SPECC1: variants seen among roughly 807,000 people sequenced by gnomAD.
SPECC1 encodes cytospin-B.
Under a neutral mutation model 104.1 loss-of-function variants are expected in SPECC1, and 62 were observed. The observed-to-expected ratio is 0.60, with a 90% confidence interval of 0.49 to 0.74. SPECC1 has a LOEUF of 0.74. Among genes scored for constraint, SPECC1 ranks in the 30% least tolerant of loss-of-function variants. The pLI, the probability that SPECC1 is intolerant of heterozygous loss-of-function variation, is 0.00. For missense variants in SPECC1, 1,306 were observed against 1,310.5 expected (o/e 1.00, Z 0.05); for synonymous variants, 513 against 501.6 (o/e 1.02, Z -0.30).
intron 12 of SPECC1, among the ~76,000 whole-genome samples, chr17:20,291,140 C>T (rs1046684444): frequency 3.3e-5 from 5 of 152,196 alleles, no homozygotes; most frequent in African/African-American, 1.2e-4. Flanking sequence ...GCCATCCACC[C>T]CAGAGTCTGT....
chr17:20,105,076 C>T (rs1054718431), intron 2 of SPECC1, among the ~76,000 whole-genome samples: 16 of 151,898 alleles, frequency 1.1e-4, no homozygotes, highest in East Asian at 1.9e-4. Flanking sequence ...TCTAGAGATA[C>T]GCCAACTGCT....
chr17:20,027,847 T>A (rs2044655098), intron 1 of SPECC1, among the ~76,000 whole-genome samples: 1 of 152,208 alleles, frequency 6.6e-6, no homozygotes, highest in Non-Finnish European at 1.5e-5. Context: ...TCTTTTTGCT[T>A]AATATTGCCT....
At chr17:20,112,869 T>TA in intron 3 of SPECC1, 1 of 1,589,844 alleles carries the variant, frequency 6.3e-7, no homozygotes, top group Non-Finnish European at 8.6e-7. Flanking sequence ...GGAACTGATT[T>TA]AGAGAATTGT....
intron 4 of SPECC1, among the ~76,000 whole-genome samples, chr17:20,212,498 G>A (rs1040836910): frequency 3.3e-5 from 5 of 152,280 alleles, no homozygotes; most frequent in African/African-American, 1.2e-4. Flanking sequence ...AAGAGAGCTT[G>A]TGCAGGGAAA....
At chr17:20,019,336 A>G (rs1392782998) in intron 1 of SPECC1, among the ~76,000 whole-genome samples, 2 of 151,926 alleles carry the variant, frequency 1.3e-5, no homozygotes, top group Admixed American at 6.6e-5. Context: ...TTCCTCAGAA[A>G]AAGATGGACA....
intron 3 of SPECC1, among the ~76,000 whole-genome samples, chr17:20,196,246 C>G (rs1449180040): frequency 1.3e-5 from 2 of 152,226 alleles, no homozygotes; most frequent in Non-Finnish European, 2.9e-5. Flanking sequence ...TCAATAGTCT[C>G]AATTACATGT....
At chr17:20,260,168 C>A (rs780618769) in intron 11 of SPECC1, 24 bp from the exon 12 acceptor site, 56 of 1,584,902 alleles carry the variant, frequency 3.5e-5, no homozygotes, top group Non-Finnish European at 4.8e-5. Flanking sequence ...CTTCTCCTTA[C>A]CATGTGCTCT....
intron 7 of SPECC1, among the ~76,000 whole-genome samples, chr17:20,235,336 T>C (rs879495205): frequency 3.9e-5 from 6 of 152,222 alleles, no homozygotes; most frequent in Admixed American, 3.3e-4. Context: ...ATCTGTTTCA[T>C]TGGACACATA....
intron 1 of SPECC1, among the ~76,000 whole-genome samples, chr17:20,087,897 C>T (rs892325542): frequency 1.6e-4 from 24 of 152,072 alleles, no homozygotes; most frequent in Admixed American, 1.4e-3. Context: ...ATAAGAAAGA[C>T]GCCTCCTAGA....
chr17:20,304,266 G>C (rs1388580789), intron 13 of SPECC1, among the ~76,000 whole-genome samples: 1 of 152,106 alleles, frequency 6.6e-6, no homozygotes, highest in Non-Finnish European at 1.5e-5. Context: ...CTCCAGCCTG[G>C]GTGACAGGGC....
In SPECC1 at chr17:20,166,642, G is replaced by T. The variant is rs139952663; in HGVS notation, c.284-37691G>T. Among the ~76,000 whole-genome samples, 12 of 152,176 alleles carry T rather than the reference G, an allele frequency of 7.9e-5. No individual in the cohort carries two copies. In the East Asian group the frequency reaches 2.1e-3, roughly 27 times the overall value. On this transcript the variant is annotated intron_variant, in intron 3 of 14. Coordinates refer to ENST00000395527, the MANE Select transcript of SPECC1 (RefSeq NM_001243439.2). The stretch of plus-strand genomic sequence containing the variant: ...TACACAAAGGACATTCAAAAGAAAA[G>T]AAACAACAAAAGAAATCTGGGATAA...
chr17:20,085,223 T>C (rs2047130370), intron 1 of SPECC1, among the ~76,000 whole-genome samples: 1 of 152,182 alleles, frequency 6.6e-6, no homozygotes, highest in Non-Finnish European at 1.5e-5. Context: ...TGGTGTGCCT[T>C]ATCCTCCAAC....
chr17:20,232,326 G>C lies in SPECC1; in HGVS notation c.2272G>C (p.Glu758Gln). 6.2e-7 allele frequency: 1 copy of C among 1,614,168 alleles called. No individual in the cohort carries two copies. Among genetic ancestry groups the C allele is most frequent in the Non-Finnish European group, 8.5e-7 (1 of 1,180,022 alleles). Reference protein sequence around the residue: ...TVKRKLLEEEEKNARLQKELG... With the variant: ...TVKRKLLEEEQKNARLQKELG... Reference sequence around the variant, plus strand: ...GAAGAGGAAACTGCTGGAGGAGGAGGAGAAGAATGCCCGGTTGCAGAAGGA... The same window carrying C: ...GAAGAGGAAACTGCTGGAGGAGGAGCAGAAGAATGCCCGGTTGCAGAAGGA... The change falls in exon 7 of 15, where the codon GAG becomes CAG. Residue 758 changes from glutamate to glutamine, a missense_variant. Glu to Gln is a conservative substitution (Grantham distance 29). This residue lies in a region of SPECC1 where 1,177 missense variants were observed against 1,139.9 expected (regional missense o/e 1.03). Transcript: ENST00000395527.
chr17:20,035,225 C>T (rs973113267), intron 1 of SPECC1, among the ~76,000 whole-genome samples: 1 of 152,146 alleles, frequency 6.6e-6, no homozygotes, highest in African/African-American at 2.4e-5. Context: ...TGATTCTTCC[C>T]ACTTTATTTT....
At chr17:20,251,108 C>T (rs965241875) in intron 9 of SPECC1, among the ~76,000 whole-genome samples, 3 of 150,978 alleles carry the variant, frequency 2.0e-5, no homozygotes, top group Non-Finnish European at 3.0e-5. Flanking sequence ...ACGCCTGTAA[C>T]CCCCAGCTAC....
chr17:20,206,007 T>A (rs1188169092), intron 4 of SPECC1, 95 bp downstream of exon 4: 1 of 1,469,812 alleles, frequency 6.8e-7, no homozygotes, highest in Admixed American at 2.2e-5. Flanking sequence ...AAGCATTTGC[T>A]TAGTCTGTTT....
intron 3 of SPECC1, among the ~76,000 whole-genome samples, chr17:20,151,998 TA>T (rs1276597469): frequency 6.8e-6 from 1 of 146,928 alleles, no homozygotes; most frequent in East Asian, 2.0e-4. Context: ...TTTGACATGC[TA>T]GTTCTGTGGG....
chr17:20,287,833 A>G (rs1190762692), intron 12 of SPECC1, among the ~76,000 whole-genome samples: 1 of 151,864 alleles, frequency 6.6e-6, no homozygotes, highest in African/African-American at 2.4e-5. Flanking sequence ...TTCAGGGTAC[A>G]TGTGCAGGAT....
chr17:20,318,856 A>ATTAG lies in SPECC1; in HGVS notation c.*4794_*4797dup, dbSNP rs1341178050. ...TTTTTAGCACACTAACTTTAACTAC[A>ATTAG]TTAGTTGAGTGTAGTTGATACATCT... On this transcript the variant is annotated 3_prime_UTR_variant, in exon 15 of 15. Coordinates refer to ENST00000395527, the MANE Select transcript of SPECC1 (RefSeq NM_001243439.2). 1 of 200,840 alleles carries ATTAG rather than the reference A, an allele frequency of 5.0e-6. No homozygotes were observed. The highest frequency in any genetic ancestry group is 1.0e-5 in the Non-Finnish European group (1 of 97,954). 12.4% of individuals were successfully genotyped at this position (200,840 alleles called of 1,614,324 possible).
Sources: gnomAD v4.1 joint callset for allele counts (sites outside exome capture counted in the v4.1 genomes callset) on GRCh38, gnomAD v4.1.1 for gene constraint, gnomAD v4.1.1 regional missense constraint, MANE v1.5 for transcripts, NCBI Gene and HGNC (gene_info 2026-07-23, HGNC 2026-07-21) for gene names.